CACNB2: variants seen among roughly 807,000 people sequenced by gnomAD.
CACNB2 encodes the protein voltage-dependent L-type calcium channel subunit beta-2.
A neutral mutation model predicts 73.3 loss-of-function variants in CACNB2; 42 were observed. That is an observed-to-expected ratio of 0.57 (90% CI 0.45 to 0.74). The LOEUF (loss-of-function observed/expected upper bound fraction) is 0.74. Among genes scored for constraint, CACNB2 ranks in the 30% least tolerant of loss-of-function variants. CACNB2 has a pLI of 0.00. For missense variants in CACNB2, 940 were observed against 853.0 expected (o/e 1.10, Z -1.27); for synonymous variants, 348 against 310.3 (o/e 1.12, Z -1.28).
rs544747981 is a variant in CACNB2 at position 18,375,130 on chromosome 10, T to G, written c.214-26794T>G. The stretch of plus-strand genomic sequence containing the variant: ...CTACTCGGGAGGCAGGAAGATTGCT[T>G]GAGCCCAGGAGGTTGAGGCTACAGT... On this transcript the variant is annotated intron_variant, in intron 2 of 13. Coordinates refer to ENST00000324631, the MANE Select transcript of CACNB2 (RefSeq NM_201596.3). 8.5e-5 allele frequency among the ~76,000 whole-genome samples: 13 copies of G among 152,244 alleles called. No individual in the cohort carries two copies. The South Asian group carries it at 2.3e-3, about 27-fold the overall frequency.
At position 18,539,754 on chromosome 10, in the gene CACNB2, T is replaced by TTTTTGAAGTCTTGTA; in HGVS notation, c.*34_*35insGAAGTCTTGTATTTT. 6.3e-7 allele frequency: 1 copy of TTTTTGAAGTCTTGTA among 1,586,542 alleles called. No individual in the cohort carries two copies. Among genetic ancestry groups the TTTTTGAAGTCTTGTA allele is most frequent in the Non-Finnish European group, 8.5e-7 (1 of 1,171,884 alleles). On this transcript the variant is annotated 3_prime_UTR_variant, in exon 14 of 14. Coordinates refer to ENST00000324631, the MANE Select transcript of CACNB2 (RefSeq NM_201596.3). Reference sequence around the variant, plus strand: ...TGCCCGTTTGTGTTTTTTTTTTTTTTTTTTTGAAGTCTTGTATAACTAACA... The same window carrying TTTTTGAAGTCTTGTA: ...TGCCCGTTTGTGTTTTTTTTTTTTTTTTTTGAAGTCTTGTATTTTTGAAGTCTTGTATAACTAACA...
intron 2 of CACNB2, among the ~76,000 whole-genome samples, chr10:18,231,016 C>T (rs183735910): frequency 9.2e-5 from 14 of 152,188 alleles, no homozygotes; most frequent in Admixed American, 5.9e-4. Context: ...TAGGCTGAAA[C>T]GAAAGGATGC....
intron 1 of CACNB2, 53 bp downstream of exon 1, chr10:18,140,909 C>T: frequency 1.3e-6 from 2 of 1,555,668 alleles, no homozygotes; most frequent in African/African-American, 1.4e-5. Context: ...GGGCAGGGCA[C>T]CGACCTCGGG....
chr10:18,506,535 C>T lies in CACNB2; in HGVS notation c.658C>T (p.Pro220Ser), dbSNP rs1242232325. ...DIVPSSRKST[P>S]PSSAIDIDAT... is the part of the protein sequence containing the mutation. Reference sequence around the variant, plus strand: ...AGTACCTAGTTCCAGAAAATCAACACCTCCATCATCTGGTAAGTAGGTGAT... The same window carrying T: ...AGTACCTAGTTCCAGAAAATCAACATCTCCATCATCTGGTAAGTAGGTGAT... The change falls in exon 6 of 14, where the codon CCT becomes TCT. Residue 220 changes from proline to serine, a missense_variant. Coordinates refer to ENST00000324631, the MANE Select transcript of CACNB2 (RefSeq NM_201596.3). The T allele has an allele frequency of 1.3e-6, 2 of 1,590,716 alleles. No individual in the cohort carries two copies. The highest frequency in any genetic ancestry group is 2.7e-5 in the African/African-American group (2 of 74,630).
Position 18,503,736 on chromosome 10 carries a change from C to A in CACNB2, c.594-2735C>A, listed in dbSNP as rs187467859. 1.3e-3 allele frequency among the ~76,000 whole-genome samples: 200 copies of A among 152,236 alleles called. 2 individuals are homozygous for A. The highest frequency in any genetic ancestry group is 4.5e-3 in the African/African-American group (185 of 41,558). On this transcript the variant is annotated intron_variant, in intron 5 of 13. Coordinates refer to ENST00000324631, the MANE Select transcript of CACNB2 (RefSeq NM_201596.3). Reference sequence around the variant, plus strand: ...TGTTTTGTTTTTAGTTAGGACAATTCAGCATTTTTCAGAATTTTCTTGTCA... The same window carrying A: ...TGTTTTGTTTTTAGTTAGGACAATTAAGCATTTTTCAGAATTTTCTTGTCA...
chr10:18,194,381 T>C (rs2034538469), intron 2 of CACNB2, among the ~76,000 whole-genome samples: 1 of 137,086 alleles, frequency 7.3e-6, no homozygotes, highest in Non-Finnish European at 1.5e-5. Flanking sequence ...ACAATGAGAC[T>C]CAAAGTTGTA....
intron 2 of CACNB2, among the ~76,000 whole-genome samples, chr10:18,348,330 A>G (rs1031832655): frequency 2.0e-5 from 3 of 152,348 alleles, no homozygotes; most frequent in Non-Finnish European, 4.4e-5. Flanking sequence ...ACAATTAGAG[A>G]ATAATTTTGT....
At chr10:18,494,893 T>A (rs2049695064) in intron 3 of CACNB2, among the ~76,000 whole-genome samples, 1 of 151,958 alleles carries the variant, frequency 6.6e-6, no homozygotes, top group Non-Finnish European at 1.5e-5. Context: ...ATACCCTGTC[T>A]CTACAAAGTT....
chr10:18,502,948 C>A (rs1362181675), intron 5 of CACNB2, among the ~76,000 whole-genome samples: 1 of 151,546 alleles, frequency 6.6e-6, no homozygotes, highest in Non-Finnish European at 1.5e-5. Context: ...GACATGTACC[C>A]CGAAACTAAA....
chr10:18,538,188 C>G lies in CACNB2; in HGVS notation c.1311C>G (p.Phe437Leu), dbSNP rs560020203. 3.7e-6 allele frequency: 6 copies of G among 1,613,984 alleles called. No individual in the cohort carries two copies. Among genetic ancestry groups the G allele is most frequent in the Non-Finnish European group, 5.1e-6 (6 of 1,180,000 alleles). ...AATGTCTGCCTCTGCAGGAGCTGTT[C>G]GATGTGATCTTGGATGAGAACCAGC... is the stretch of plus-strand genomic sequence containing the variant. Reference protein sequence around the residue: ...DKLAQCPPELFDVILDENQLE... With the variant: ...DKLAQCPPELLDVILDENQLE... Residue 437 changes from phenylalanine to leucine, a missense_variant, in exon 13 of 14, where the codon TTC becomes TTG. Phe to Leu is a conservative substitution (Grantham distance 22). Transcript: ENST00000324631.
At chr10:18,523,720 A>G (rs573186645) in intron 9 of CACNB2, among the ~76,000 whole-genome samples, 155 of 152,358 alleles carry the variant, frequency 1.0e-3, no homozygotes, top group African/African-American at 3.6e-3. Context: ...TTGGCAAGGC[A>G]AGACAGCAAT....
At chr10:18,164,325 G>A (rs549680124) in intron 2 of CACNB2, among the ~76,000 whole-genome samples, 1 of 152,228 alleles carries the variant, frequency 6.6e-6, no homozygotes, top group Non-Finnish European at 1.5e-5. Context: ...GTCATTAGTG[G>A]TCATATAAGT....
chr10:18,306,587 G>A (rs1339213575), intron 2 of CACNB2, among the ~76,000 whole-genome samples: 1 of 152,134 alleles, frequency 6.6e-6, no homozygotes, highest in African/African-American at 2.4e-5. Context: ...ATTACGGTGG[G>A]GTCAGGGTGA....
chr10:18,185,520 G>A (rs2034107442), intron 2 of CACNB2, among the ~76,000 whole-genome samples: 1 of 152,170 alleles, frequency 6.6e-6, no homozygotes, highest in Non-Finnish European at 1.5e-5. Context: ...AATGTTGAAA[G>A]GAATGAATTT....
intron 12 of CACNB2, among the ~76,000 whole-genome samples, chr10:18,537,750 C>A (rs1397047906): frequency 1.4e-5 from 2 of 147,316 alleles, no homozygotes; most frequent in Non-Finnish European, 1.5e-5. Context: ...GCACTCCAGC[C>A]TGGGTAACAG....
chr10:18,443,213 G>A (rs76932265), intron 3 of CACNB2, among the ~76,000 whole-genome samples: 3,814 of 151,634 alleles, frequency 0.025, 69 homozygotes, highest in East Asian at 0.094. Flanking sequence ...GAATGCTGAC[G>A]GGTGCTACAC....
intron 2 of CACNB2, chr10:18,401,136 A>G (rs1218715657): frequency 1.2e-6 from 2 of 1,613,140 alleles, no homozygotes; most frequent in Non-Finnish European, 1.7e-6. Context: ...GGGAGAGGTT[A>G]TTTTGTCTCT....
intron 3 of CACNB2, among the ~76,000 whole-genome samples, chr10:18,495,570 TGTGTGTGTG>T (rs2049751566): frequency 1.4e-5 from 2 of 142,916 alleles, no homozygotes; most frequent in Admixed American, 1.4e-4. Flanking sequence ...TGTGTGTGTG[TGTGTGTGTG>T]TGTGTGTGTG....
intron 2 of CACNB2, among the ~76,000 whole-genome samples, chr10:18,203,234 T>C (rs1225187094): frequency 6.6e-6 from 1 of 152,166 alleles, no homozygotes; most frequent in Admixed American, 6.6e-5. Context: ...GAGTCGAAAT[T>C]ATAGCCGAAT....
Sources: gnomAD v4.1 joint callset for allele counts (sites outside exome capture counted in the v4.1 genomes callset) on GRCh38, gnomAD v4.1.1 for gene constraint, MANE v1.5 for transcripts, NCBI Gene and HGNC (gene_info 2026-07-23, HGNC 2026-07-21) for gene names.